Variants in GRIK2 observed in about 807,000 individuals in gnomAD.
GRIK2 encodes the protein glutamate ionotropic receptor kainate type subunit 2, also known as glutamate receptor ionotropic, kainate 2.
In GRIK2, 32 loss-of-function variants were observed where a neutral mutation model predicts 100.3. That is an observed-to-expected ratio of 0.32 (90% CI 0.24 to 0.43). The LOEUF (loss-of-function observed/expected upper bound fraction) is 0.43, where lower values mean the gene tolerates loss of function less well. Among genes scored for constraint, GRIK2 ranks in the 20% least tolerant of loss-of-function variants. GRIK2 has a pLI of 1.00. For synonymous variants in GRIK2, 417 were observed against 389.4 expected, an observed-to-expected ratio of 1.07 and a Z score of -0.83; for missense variants, 843 against 1,114.9, an observed-to-expected ratio of 0.76 and a Z score of 3.47.
intron 11 of GRIK2, among the ~76,000 whole-genome samples, chr6:101,889,211 T>C (rs1786870212): frequency 6.6e-6 from 1 of 152,112 alleles, no homozygotes; most frequent in Admixed American, 6.6e-5. Context: ...CTCAGCTATA[T>C]AATTTGATGT....
chr6:101,604,372 T>C (rs1779354854), intron 2 of GRIK2, among the ~76,000 whole-genome samples: 1 of 151,822 alleles, frequency 6.6e-6, no homozygotes, highest in South Asian at 2.1e-4. Flanking sequence ...ATTTTAAAAA[T>C]TTTAGGCATC....
intron 1 of GRIK2, among the ~76,000 whole-genome samples, chr6:101,397,501 C>T (rs1447890729): frequency 6.6e-6 from 1 of 152,154 alleles, no homozygotes; most frequent in Non-Finnish European, 1.5e-5. Context: ...ACTAGCCATT[C>T]ATGATACTTA....
rs190957962 is a variant in GRIK2 at position 101,948,849 on chromosome 6, A to G, written c.2085+20217A>G. 3.9e-5 allele frequency among the ~76,000 whole-genome samples: 6 copies of G among 152,244 alleles called. No individual in the cohort carries two copies. In the East Asian group the frequency reaches 1.2e-3, roughly 29 times the overall value. On this transcript the variant is annotated intron_variant, in intron 14 of 16. Transcript: ENST00000369134. The stretch of plus-strand genomic sequence containing the variant: ...TATTAAAGAAAGTAAATAAACAGAT[A>G]TCAAATTGCCAATATGAGGCAAACT...
chr6:101,766,247 C>A (rs543114084), intron 7 of GRIK2, among the ~76,000 whole-genome samples: 2 of 150,566 alleles, frequency 1.3e-5, no homozygotes, highest in South Asian at 4.2e-4. Flanking sequence ...TTTAGAGCAA[C>A]CTGAAAAAAA....
chr6:101,742,722 A>G (rs1241495342), intron 7 of GRIK2, among the ~76,000 whole-genome samples: 1 of 152,222 alleles, frequency 6.6e-6, no homozygotes, highest in Non-Finnish European at 1.5e-5. Flanking sequence ...GGTTAAGATA[A>G]GTGGTTGTAG....
chr6:101,725,242 A>G (rs117913408), intron 7 of GRIK2, among the ~76,000 whole-genome samples: 2,140 of 152,076 alleles, frequency 0.014, 31 homozygotes, highest in Non-Finnish European at 0.023. Context: ...AAAAAGTTGG[A>G]TTTCCCAAGA....
intron 2 of GRIK2, among the ~76,000 whole-genome samples, chr6:101,552,824 G>T (rs926273037): frequency 3.3e-5 from 5 of 152,054 alleles, no homozygotes; most frequent in African/African-American, 4.8e-5. Context: ...GCCACCTGAG[G>T]CATCCTTTTA....
intron 15 of GRIK2, among the ~76,000 whole-genome samples, chr6:102,043,174 C>CAGTT (rs1562133859): frequency 6.6e-6 from 1 of 151,586 alleles, no homozygotes; most frequent in Non-Finnish European, 1.5e-5. Flanking sequence ...TTAAACTAAA[C>CAGTT]AGTTATAATG....
intron 14 of GRIK2, among the ~76,000 whole-genome samples, chr6:101,942,355 C>T (rs1197694964): frequency 6.6e-6 from 1 of 152,132 alleles, no homozygotes; most frequent in Non-Finnish European, 1.5e-5. Context: ...TAGGGGACTG[C>T]TCTAAAGATA....
At chr6:101,835,039 A>G (rs1445440091) in intron 10 of GRIK2, among the ~76,000 whole-genome samples, 2 of 149,468 alleles carry the variant, frequency 1.3e-5, no homozygotes, top group African/African-American at 2.4e-5. Flanking sequence ...CATAAAGTCA[A>G]CTTCCACATT....
intron 2 of GRIK2, among the ~76,000 whole-genome samples, chr6:101,617,950 ATATG>A (rs1053705155): frequency 1.3e-4 from 19 of 151,192 alleles, no homozygotes; most frequent in African/African-American, 4.4e-4. Context: ...GTGTGTATAT[ATATG>A]TGTGTGTGTG....
At chr6:101,524,636 A>G (rs1775055761) in intron 2 of GRIK2, among the ~76,000 whole-genome samples, 1 of 152,000 alleles carries the variant, frequency 6.6e-6, no homozygotes, top group Non-Finnish European at 1.5e-5. Flanking sequence ...TTTGGCTAAC[A>G]TTTGATCACC....
At chr6:101,469,872 C>T (rs1771853160) in intron 2 of GRIK2, among the ~76,000 whole-genome samples, 1 of 152,208 alleles carries the variant, frequency 6.6e-6, no homozygotes, top group African/African-American at 2.4e-5. Flanking sequence ...CTTTCTTTCT[C>T]TTCAAGACTT....
chr6:101,893,894 TA>T (rs1327599452), intron 12 of GRIK2, among the ~76,000 whole-genome samples: 1 of 151,668 alleles, frequency 6.6e-6, no homozygotes, highest in Non-Finnish European at 1.5e-5. Context: ...TACCCTTGAA[TA>T]AATTTATAAT....
intron 2 of GRIK2, among the ~76,000 whole-genome samples, chr6:101,572,722 A>C (rs954861591): frequency 2.7e-5 from 4 of 148,318 alleles, no homozygotes; most frequent in African/African-American, 9.9e-5. Flanking sequence ...TCTACCATAG[A>C]AATTATTTTC....
chr6:101,997,470 GATT>G (rs1026062625), intron 14 of GRIK2, among the ~76,000 whole-genome samples: 1 of 151,890 alleles, frequency 6.6e-6, no homozygotes, highest in Non-Finnish European at 1.5e-5. Flanking sequence ...CACTCAATGT[GATT>G]ATTAATTGTT....
At chr6:101,674,705 A>G (rs569965573) in intron 4 of GRIK2, among the ~76,000 whole-genome samples, 1 of 152,310 alleles carries the variant, frequency 6.6e-6, no homozygotes, top group East Asian at 1.9e-4. Context: ...TTTAAATAGC[A>G]TTAGTAAATA....
intron 2 of GRIK2, among the ~76,000 whole-genome samples, chr6:101,525,960 G>A (rs2128283069): frequency 6.6e-6 from 1 of 152,316 alleles, no homozygotes; most frequent in South Asian, 2.1e-4. Context: ...GTGTGACAGG[G>A]TGAAGAATAA....
At chr6:102,013,833 G>A (rs1346801628) in intron 14 of GRIK2, among the ~76,000 whole-genome samples, 1 of 152,018 alleles carries the variant, frequency 6.6e-6, no homozygotes, top group Non-Finnish European at 1.5e-5. Flanking sequence ...CAATTTACTA[G>A]TATTTTGTTG....
Sources: gnomAD v4.1 joint callset for allele counts (sites outside exome capture counted in the v4.1 genomes callset) on GRCh38, gnomAD v4.1.1 for gene constraint, MANE v1.5 for transcripts, NCBI Gene and HGNC (gene_info 2026-07-23, HGNC 2026-07-21) for gene names.